EYS: variants seen among roughly 807,000 people sequenced by gnomAD.
EYS encodes the protein EGF-like photoreceptor maintenance factor.
Under a neutral mutation model 282.1 loss-of-function variants are expected in EYS, and 250 were observed. The observed-to-expected ratio is 0.89, with a 90% CI of 0.80 to 0.98. EYS has a LOEUF of 0.98. Ranked by LOEUF, EYS falls within the 50% of genes least tolerant of loss-of-function variation. The pLI is 0.00. For synonymous variants in EYS, 1,355 were observed against 1,282.9 expected, an observed-to-expected ratio of 1.06 and a Z score of -1.20; for missense variants, 4,016 against 3,709.0, an observed-to-expected ratio of 1.08 and a Z score of -2.15.
intron 2 of EYS, among the ~76,000 whole-genome samples, chr6:65,593,304 C>A (rs982018645): frequency 2.0e-5 from 3 of 151,926 alleles, no homozygotes; most frequent in Non-Finnish European, 4.4e-5. Flanking sequence ...TCTTCAGAAA[C>A]AAAATATTAT....
At chr6:63,999,261 T>C (rs2081439410) in intron 33 of EYS, 78 bp from the exon 34 acceptor site, 7 of 876,130 alleles carry the variant, frequency 8.0e-6, no homozygotes, top group Non-Finnish European at 1.3e-5. Context: ...GGATAGTAAG[T>C]ACTTCTTCAT....
At chr6:64,256,839 A>G (rs931561646) in intron 30 of EYS, among the ~76,000 whole-genome samples, 4 of 152,080 alleles carry the variant, frequency 2.6e-5, no homozygotes, top group African/African-American at 9.6e-5. Flanking sequence ...AGAGGCAGAG[A>G]GATCAAGATA....
chr6:63,900,009 A>G (rs769551617), intron 35 of EYS, among the ~76,000 whole-genome samples: 1 of 152,220 alleles, frequency 6.6e-6, no homozygotes, highest in Non-Finnish European at 1.5e-5. Flanking sequence ...TCATTTACCT[A>G]TTGTCAATTG....
intron 33 of EYS, among the ~76,000 whole-genome samples, chr6:64,051,203 T>C (rs1770797865): frequency 6.6e-6 from 1 of 152,166 alleles, no homozygotes; most frequent in Admixed American, 6.6e-5. Flanking sequence ...ATTAAACACA[T>C]ACTGTATACT....
chr6:65,485,940 G>T (rs1229947698), intron 5 of EYS, among the ~76,000 whole-genome samples: 36 of 152,120 alleles, frequency 2.4e-4, no homozygotes, highest in Admixed American at 2.3e-3. Flanking sequence ...TCTGTCAAAG[G>T]CAGGACATCT....
At chr6:64,985,558 A>C (rs1222581665) in intron 14 of EYS, among the ~76,000 whole-genome samples, 1 of 151,558 alleles carries the variant, frequency 6.6e-6, no homozygotes. Context: ...GAGGTCTAAA[A>C]ATAAATTTAA....
At chr6:64,193,265 C>T (rs578190174) in intron 31 of EYS, among the ~76,000 whole-genome samples, 1 of 152,098 alleles carries the variant, frequency 6.6e-6, no homozygotes, top group Non-Finnish European at 1.5e-5. Flanking sequence ...TTGACTCTAT[C>T]TCTGCATATT....
chr6:65,095,552 A>G (rs945065389), intron 12 of EYS, among the ~76,000 whole-genome samples: 5 of 151,300 alleles, frequency 3.3e-5, no homozygotes, highest in African/African-American at 9.6e-5. Flanking sequence ...CACAATGAAT[A>G]TACACAAATT....
intron 22 of EYS, among the ~76,000 whole-genome samples, chr6:64,748,353 C>A (rs887576072): frequency 6.6e-6 from 1 of 152,202 alleles, no homozygotes; most frequent in African/African-American, 2.4e-5. Context: ...AATTTTTCCA[C>A]AGACAGGGTG....
chr6:63,795,434 C>T (rs1190610650), intron 37 of EYS, among the ~76,000 whole-genome samples: 1 of 152,126 alleles, frequency 6.6e-6, no homozygotes, highest in Non-Finnish European at 1.5e-5. Context: ...GTAGTTGAGA[C>T]AAGAGTGTCA....
At chr6:65,609,615 G>T (rs769262133) in intron 2 of EYS, among the ~76,000 whole-genome samples, 2 of 151,970 alleles carry the variant, frequency 1.3e-5, no homozygotes, top group Admixed American at 1.3e-4. Flanking sequence ...ACCTGGCAGT[G>T]TATTATAATA....
At chr6:64,157,268 C>G (rs889597701) in intron 31 of EYS, among the ~76,000 whole-genome samples, 2 of 152,008 alleles carry the variant, frequency 1.3e-5, no homozygotes, top group Non-Finnish European at 2.9e-5. Context: ...GTATATGTTC[C>G]ACATTTTCTT....
At chr6:64,838,767 G>A (rs1765469656) in intron 19 of EYS, among the ~76,000 whole-genome samples, 1 of 151,850 alleles carries the variant, frequency 6.6e-6, no homozygotes, top group Admixed American at 6.6e-5. Flanking sequence ...AATTTCCTGT[G>A]GAGTTGTAGA....
chr6:64,139,242 C>A (rs917288383), intron 31 of EYS, among the ~76,000 whole-genome samples: 2 of 152,104 alleles, frequency 1.3e-5, no homozygotes, highest in Non-Finnish European at 2.9e-5. Flanking sequence ...CATGTTCACC[C>A]AATATATGCA....
At chr6:64,064,833 C>A (rs2149854503) in intron 33 of EYS, among the ~76,000 whole-genome samples, 1 of 152,082 alleles carries the variant, frequency 6.6e-6, no homozygotes, top group East Asian at 1.9e-4. Context: ...AATAGAAATG[C>A]CTTTTAAACA....
intron 8 of EYS, among the ~76,000 whole-genome samples, chr6:65,378,329 A>G (rs74804286): frequency 6.6e-6 from 1 of 152,162 alleles, no homozygotes; most frequent in Non-Finnish European, 1.5e-5. Flanking sequence ...TCAAAACTAC[A>G]ATGAGATACC....
chr6:65,162,040 A>G (rs1364515509), intron 12 of EYS, among the ~76,000 whole-genome samples: 1 of 151,306 alleles, frequency 6.6e-6, no homozygotes, highest in East Asian at 2.0e-4. Flanking sequence ...AACATCTGAA[A>G]CAGGCAAACC....
At chr6:64,757,463 C>T (rs780042315) in intron 22 of EYS, among the ~76,000 whole-genome samples, 1 of 151,974 alleles carries the variant, frequency 6.6e-6, no homozygotes, top group Non-Finnish European at 1.5e-5. Context: ...TGAGGAGTGG[C>T]ACATTAAATA....
chr6:64,716,740 TA>T (rs1454614023), intron 22 of EYS, among the ~76,000 whole-genome samples: 4 of 152,198 alleles, frequency 2.6e-5, no homozygotes, highest in Non-Finnish European at 5.9e-5. Flanking sequence ...TAGTCTTCAG[TA>T]ATTGCTTCTG....
Sources: allele counts gnomAD v4.1 joint callset (sites outside exome capture counted in the v4.1 genomes callset), GRCh38; gene constraint gnomAD v4.1.1; transcripts MANE v1.5; gene names NCBI Gene and HGNC (gene_info 2026-07-23, HGNC 2026-07-21).